The following ARID4A variants were observed in gnomAD, a reference collection of about 807,000 sequenced individuals.
ARID4A encodes AT-rich interaction domain 4A, also known as AT-rich interactive domain-containing protein 4A.
Under a neutral mutation model 148.6 loss-of-function variants are expected in ARID4A, and 39 were observed. The observed-to-expected ratio is 0.26, with a 90% CI of 0.20 to 0.34. The LOEUF is 0.34. ARID4A is among the 10% of genes least tolerant of loss of function. The pLI, the probability that ARID4A is intolerant of heterozygous loss-of-function variation, is 1.00. For synonymous variants in ARID4A, 475 were observed against 481.2 expected (o/e 0.99, Z 0.17); for missense variants, 1,265 against 1,449.1 (o/e 0.87, Z 2.06).
intron 16 of ARID4A, 195 bp downstream of exon 16, chr14:58,351,518 T>C (rs1401179039): frequency 6.2e-6 from 4 of 643,064 alleles, no homozygotes; most frequent in Non-Finnish European, 9.9e-6. Flanking sequence ...GGTCGCACCA[T>C]TTTAATAGCA....
Position 58,358,708 on chromosome 14 carries a change from ATAAAATAACC to A in ARID4A, c.1854-422_1854-413del, listed in dbSNP as rs1290451386. Among the ~76,000 whole-genome samples the A allele has an allele frequency of 3.9e-5, 6 of 152,338 alleles. No individual in the cohort carries two copies. The East Asian group carries it at 9.6e-4, about 24-fold the overall frequency. The stretch of plus-strand genomic sequence containing the variant: ...GAAATGGACTTGATAAAATAACTTG[ATAAAATAACC>A]TGAAACTGATCACCTTGCAAATTTG... On this transcript the variant is annotated intron_variant, in intron 17 of 23. Transcript: ENST00000355431.
intron 4 of ARID4A, 67 bp from the exon 5 acceptor site, chr14:58,305,955 T>C: frequency 9.3e-7 from 1 of 1,075,234 alleles, no homozygotes; most frequent in South Asian, 1.3e-5. Flanking sequence ...CTAGATTATA[T>C]AGTTGGTGGG....
chr14:58,347,140 C>A, intron 14 of ARID4A, 23 bp downstream of exon 14: 1 of 1,218,900 alleles, frequency 8.2e-7, no homozygotes, highest in Non-Finnish European at 1.2e-6. Context: ...GTTTATTCAT[C>A]AAAGAATATA....
At chr14:58,299,946 C>A in intron 2 of ARID4A, 86 bp downstream of exon 2, 1 of 1,583,204 alleles carries the variant, frequency 6.3e-7, no homozygotes, top group Non-Finnish European at 8.7e-7. Flanking sequence ...ATTTGTTTTG[C>A]TACTCAAAAT....
chr14:58,364,075 AAAGATTTTTATTGTTATTTTTGGT>A, intron 19 of ARID4A, 71 bp from the exon 20 acceptor site: 1 of 642,240 alleles, frequency 1.6e-6, no homozygotes, highest in Non-Finnish European at 2.3e-6. Context: ...GTACATGATT[AAAGATTTTTATTGTTATTTTTGGT>A]AAGATTTTTA....
rs567547303 is a variant in ARID4A, at chr14:58,359,804, T to C, written c.1938+588T>C. 1.5e-4 allele frequency among the ~76,000 whole-genome samples: 23 copies of C among 152,284 alleles called. No individual in the cohort carries two copies. In the South Asian group the frequency reaches 1.9e-3, roughly 12 times the overall value. Reference sequence around the variant, plus strand: ...CATCTTGGCCGGGCATGGTGGCTCATGCCTGTAATGCCAGCACTTTGGGAG... The same window carrying C: ...CATCTTGGCCGGGCATGGTGGCTCACGCCTGTAATGCCAGCACTTTGGGAG... On this transcript the variant is annotated intron_variant, in intron 18 of 23. Coordinates refer to ENST00000355431, the MANE Select transcript of ARID4A (RefSeq NM_002892.4).
intron 7 of ARID4A, among the ~76,000 whole-genome samples, chr14:58,320,662 C>G (rs1284898957): frequency 6.8e-6 from 1 of 147,640 alleles, no homozygotes; most frequent in African/African-American, 2.5e-5. Flanking sequence ...GGCTGGAGTG[C>G]AGTGGCTGGA....
At chr14:58,300,678 T>C (rs989150587) in intron 2 of ARID4A, among the ~76,000 whole-genome samples, 2 of 152,228 alleles carry the variant, frequency 1.3e-5, no homozygotes, top group Non-Finnish European at 2.9e-5. Flanking sequence ...TCTTTAATAT[T>C]ACTTGGGAAA....
intron 8 of ARID4A, 24 bp from the exon 9 acceptor site, chr14:58,328,213 A>G (rs375234834): frequency 2.9e-5 from 43 of 1,496,374 alleles, no homozygotes; most frequent in African/African-American, 1.4e-4. Flanking sequence ...ATAGGAATCA[A>G]TCTGTTCTTA....
chr14:58,363,896 A>G (rs1173552170), intron 19 of ARID4A, among the ~76,000 whole-genome samples: 1 of 152,168 alleles, frequency 6.6e-6, no homozygotes, highest in Non-Finnish European at 1.5e-5. Context: ...TTGTACCTAA[A>G]TATGATACTG....
Position 58,347,612 on chromosome 14 carries a change from TG to T in ARID4A, c.1173-34del, listed in dbSNP as rs776055993. 13 of 1,456,100 alleles carry T rather than the reference TG, an allele frequency of 8.9e-6. No homozygotes were observed. The Admixed American group carries it at 2.8e-4, about 31-fold the overall frequency. 90.2% of individuals were successfully genotyped at this position (1,456,100 alleles called of 1,614,324 possible). ...ATGAATTCAAGTTAGATGCAAAGAC[TG>T]TAAGATTTCTTAAATGAAATATTGT... is the stretch of plus-strand genomic sequence containing the variant. On this transcript the variant is annotated intron_variant, in intron 14 of 23. Coordinates refer to ENST00000355431, the MANE Select transcript of ARID4A (RefSeq NM_002892.4).
chr14:58,361,153 A>T, intron 19 of ARID4A, 111 bp downstream of exon 19: 5 of 1,432,598 alleles, frequency 3.5e-6, no homozygotes, highest in Non-Finnish European at 4.6e-6. Context: ...TAACATAAAT[A>T]ATAAAACTTC....
At chr14:58,305,062 T>A in intron 4 of ARID4A, 53 bp downstream of exon 4, 18 of 1,395,498 alleles carry the variant, frequency 1.3e-5, no homozygotes, top group Non-Finnish European at 1.8e-5. Flanking sequence ...TTATACCATA[T>A]TTACTGAATT....
intron 23 of ARID4A, among the ~76,000 whole-genome samples, chr14:58,371,474 C>T (rs1332045335): frequency 6.6e-6 from 1 of 152,078 alleles, no homozygotes; most frequent in East Asian, 1.9e-4. Context: ...GATTCTGATA[C>T]CTGTCAGAGG....
rs149580639 is a variant in ARID4A, at chr14:58,321,687, G to C, written c.450-1798G>C. Among the ~76,000 whole-genome samples the C allele has an allele frequency of 4.8e-3, 724 of 152,118 alleles. 8 individuals are homozygous for C. Among genetic ancestry groups the C allele is most frequent in the African/African-American group, 0.017 (699 of 41,504 alleles). The stretch of plus-strand genomic sequence containing the variant: ...ATGAGTATTTTTAAAGGCAAAGTCA[G>C]ATAACACCTAAGCTGCAAACCAGAA... On this transcript the variant is annotated intron_variant, in intron 7 of 23. Coordinates refer to ENST00000355431, the MANE Select transcript of ARID4A (RefSeq NM_002892.4).
chr14:58,342,686 G>C (rs1027259060), intron 11 of ARID4A, among the ~76,000 whole-genome samples: 7 of 152,226 alleles, frequency 4.6e-5, no homozygotes, highest in Non-Finnish European at 8.8e-5. Flanking sequence ...GCCAAGGTGG[G>C]TGGATCACCT....
chr14:58,372,160 A>G lies in ARID4A; in HGVS notation c.*171A>G. ...CCTCTCTCTTCTTTTTTCTTGTTGC[A>G]AAAAATAAGCTGATTAATAAGTGAA... On this transcript the variant is annotated 3_prime_UTR_variant, in exon 24 of 24. Transcript: ENST00000355431. 1.1e-5 allele frequency: 6 copies of G among 525,946 alleles called. No individual in the cohort carries two copies. The South Asian group carries it at 1.4e-4, about 12-fold the overall frequency. 32.6% of individuals were successfully genotyped at this position (525,946 alleles called of 1,614,324 possible). A position where few individuals can be genotyped will look rare whatever the true frequency, so the allele number is the denominator to read the frequency against.
chr14:58,317,755 C>T (rs1350029274), intron 5 of ARID4A, among the ~76,000 whole-genome samples: 2 of 150,250 alleles, frequency 1.3e-5, no homozygotes, highest in Non-Finnish European at 3.0e-5. Flanking sequence ...ACCATGGCCT[C>T]TCCAGTAGCT....
At position 58,347,053 on chromosome 14, in the gene ARID4A, A is replaced by G. The variant is rs780098824; in HGVS notation, c.1108A>G (p.Met370Val). The change falls in exon 14 of 24, where the codon ATG (methionine) becomes GTG (valine). Residue 370 changes from methionine (M) to valine (V), a missense_variant. This residue lies in a region of ARID4A where 249 missense variants were observed against 277.2 expected (regional missense o/e 0.90). Transcript: ENST00000355431. ...TGGTGCTGTATGGAAGCAAATTTAT[A>G]TGGACCTTGGCATTCCTATTTTGAA... ...DSGAVWKQIY[M>V]DLGIPILNSA... 2 of 1,542,306 alleles carry G rather than the reference A, an allele frequency of 1.3e-6. No homozygotes were observed. Among genetic ancestry groups the G allele is most frequent in the Non-Finnish European group, 1.8e-6 (2 of 1,141,648 alleles).
Sources: gnomAD v4.1 joint callset for allele counts (sites outside exome capture counted in the v4.1 genomes callset) on GRCh38, gnomAD v4.1.1 for gene constraint, gnomAD v4.1.1 regional missense constraint, MANE v1.5 for transcripts, NCBI Gene and HGNC (gene_info 2026-07-23, HGNC 2026-07-21) for gene names.